ADGRL2: variants seen among roughly 807,000 people sequenced by gnomAD.
The protein encoded by ADGRL2 is adhesion G protein-coupled receptor L2.
Under a neutral mutation model 157.4 loss-of-function variants are expected in ADGRL2, and 44 were observed. The observed-to-expected ratio is 0.28, with a 90% CI of 0.22 to 0.36. ADGRL2 has a LOEUF of 0.36. ADGRL2 is among the 10% of genes least tolerant of loss of function. The pLI, the probability that ADGRL2 is intolerant of heterozygous loss-of-function variation, is 1.00. For missense variants in ADGRL2, 1,510 were observed against 1,768.9 expected (o/e 0.85, Z 2.63); for synonymous variants, 585 against 624.7 (o/e 0.94, Z 0.95).
At chr1:81,528,668 A>AAAAAAAAG (rs2079528946) in intron 2 of ADGRL2, among the ~76,000 whole-genome samples, 1 of 149,954 alleles carries the variant, frequency 6.7e-6, no homozygotes, top group African/African-American at 2.5e-5. Flanking sequence ...AAAAAAAAAA[A>AAAAAAAAG]AAAAAAAGAA....
At chr1:81,355,194 AAC>A (rs1428019183) in intron 1 of ADGRL2, among the ~76,000 whole-genome samples, 1 of 151,968 alleles carries the variant, frequency 6.6e-6, no homozygotes, top group Non-Finnish European at 1.5e-5. Context: ...CTACTAAAAA[AAC>A]ACATTAAAAA....
chr1:81,433,847 G>A (rs1570956103), intron 1 of ADGRL2, among the ~76,000 whole-genome samples: 1 of 152,186 alleles, frequency 6.6e-6, no homozygotes. Context: ...AGCAGGAACT[G>A]AAGTCATGTA....
intron 1 of ADGRL2, among the ~76,000 whole-genome samples, chr1:81,442,303 GT>G (rs2077522205): frequency 6.6e-6 from 1 of 152,176 alleles, no homozygotes; most frequent in African/African-American, 2.4e-5. Context: ...AACGGACACA[GT>G]TAGATAGCCA....
chr1:81,734,855 G>C lies in ADGRL2; in HGVS notation c.-142-26956G>C, dbSNP rs1392849345. 1.4e-5 allele frequency among the ~76,000 whole-genome samples: 2 copies of C among 146,842 alleles called. 1 individual carries two copies. Among genetic ancestry groups the C allele is most frequent in the Non-Finnish European group, 3.0e-5 (2 of 65,708 alleles). On this transcript the variant is annotated intron_variant, in intron 1 of 20. Coordinates refer to the ADGRL2 transcript ENST00000359929. ...TCAAGACCAGACTAACCAACATGGA[G>C]AAACCCTGTCTCTACTAAAAATACA...
intron 5 of ADGRL2, among the ~76,000 whole-genome samples, chr1:81,942,623 A>G (rs534654774): frequency 1.3e-5 from 2 of 151,942 alleles, no homozygotes; most frequent in Non-Finnish European, 2.9e-5. Flanking sequence ...TTGTAATAAA[A>G]TGAAATATAT....
At chr1:81,496,507 C>A (rs957898572) in intron 2 of ADGRL2, among the ~76,000 whole-genome samples, 6 of 152,106 alleles carry the variant, frequency 3.9e-5, no homozygotes, top group African/African-American at 1.4e-4. Context: ...GGTCGTCATC[C>A]ATCTAAACAA....
intron 2 of ADGRL2, among the ~76,000 whole-genome samples, chr1:81,775,789 C>T (rs1195507576): frequency 1.3e-5 from 2 of 152,106 alleles, no homozygotes; most frequent in African/African-American, 4.8e-5. Context: ...TCCATGCATA[C>T]CTTGTAAAAA....
intron 2 of ADGRL2, chr1:81,501,753 T>C: frequency 6.2e-7 from 1 of 1,610,438 alleles, no homozygotes; most frequent in Middle Eastern, 1.7e-4. Context: ...ACTCTGTGGG[T>C]GAAGCTTGAG....
intron 3 of ADGRL2, among the ~76,000 whole-genome samples, chr1:81,623,521 C>T (rs2081841657): frequency 6.6e-6 from 1 of 152,008 alleles, no homozygotes; most frequent in Non-Finnish European, 1.5e-5. Flanking sequence ...GTCCTAACCC[C>T]AGGTACCTGT....
intron 2 of ADGRL2, among the ~76,000 whole-genome samples, chr1:81,870,774 A>G (rs1473439268): frequency 6.6e-6 from 1 of 152,082 alleles, no homozygotes; most frequent in Non-Finnish European, 1.5e-5. Context: ...AACCAAAAAC[A>G]TATTTATTTT....
intron 2 of ADGRL2, chr1:81,505,244 T>C: frequency 1.9e-6 from 1 of 533,880 alleles, no homozygotes; most frequent in Non-Finnish European, 3.6e-6. Flanking sequence ...TCCCGAGGGC[T>C]GACCTCCTCT....
At chr1:81,417,407 A>G (rs2077051362) in intron 1 of ADGRL2, among the ~76,000 whole-genome samples, 1 of 152,196 alleles carries the variant, frequency 6.6e-6, no homozygotes, top group East Asian at 1.9e-4. Flanking sequence ...ACTTTATTTT[A>G]TAATTTTTCC....
chr1:81,908,411 T>C (rs379230), intron 3 of ADGRL2, among the ~76,000 whole-genome samples: 10,210 of 152,224 alleles, frequency 0.067, 1,036 homozygotes, highest in African/African-American at 0.22. Flanking sequence ...TTCCTCCATA[T>C]CTTTTGTTGG....
At chr1:81,318,251 A>T (rs1271613563) in intron 1 of ADGRL2, among the ~76,000 whole-genome samples, 1 of 152,162 alleles carries the variant, frequency 6.6e-6, no homozygotes, top group Non-Finnish European at 1.5e-5. Flanking sequence ...TAGTTTATTG[A>T]TTGATATTAG....
intron 3 of ADGRL2, among the ~76,000 whole-genome samples, chr1:81,608,762 C>T (rs1302637915): frequency 6.6e-6 from 1 of 152,188 alleles, no homozygotes; most frequent in African/African-American, 2.4e-5. Context: ...AGCTGACTTT[C>T]CTTCTATGCA....
chr1:81,902,495 G>T lies in ADGRL2; in HGVS notation c.74-4522G>T, dbSNP rs115128635. Among the ~76,000 whole-genome samples, 78 of 152,200 alleles carry T rather than the reference G, an allele frequency of 5.1e-4. 1 individual carries two copies. The highest frequency in any genetic ancestry group is 1.8e-3 in the African/African-American group (74 of 41,530). On this transcript the variant is annotated intron_variant, in intron 2 of 23. Transcript: ENST00000686636. ...CACCTGTGGTCCCATCTACTGGGGA[G>T]GCTGAAGTGGAAGAATCACTTGAAC... is the stretch of plus-strand genomic sequence containing the variant.
chr1:81,530,989 C>T (rs1349976173), intron 2 of ADGRL2, among the ~76,000 whole-genome samples: 4 of 150,888 alleles, frequency 2.7e-5, no homozygotes, highest in East Asian at 2.0e-4. Flanking sequence ...GAGGCTGAGG[C>T]AGAAGGATCA....
At chr1:81,989,579 C>A in intron 23 of ADGRL2, 1 of 1,183,002 alleles carries the variant, frequency 8.5e-7, no homozygotes, top group Non-Finnish European at 1.2e-6. Context: ...TGAACCCTTG[C>A]TCTGACTAAG....
intron 1 of ADGRL2, among the ~76,000 whole-genome samples, chr1:81,341,980 T>A (rs1662106150): frequency 6.6e-6 from 1 of 152,174 alleles, no homozygotes; most frequent in South Asian, 2.1e-4. Context: ...GGTTACTATT[T>A]TTCAGACAAA....
Sources: allele counts gnomAD v4.1 joint callset (sites outside exome capture counted in the v4.1 genomes callset), GRCh38; gene constraint gnomAD v4.1.1; transcripts MANE v1.5; gene names NCBI Gene and HGNC (gene_info 2026-07-23, HGNC 2026-07-21).